The following APELA variants were observed in gnomAD, a reference collection of about 807,000 sequenced individuals.
APELA encodes the protein protein Elabela.
intron 1 of APELA, among the ~76,000 whole-genome samples, chr4:164,878,138 A>G (rs1195407082): frequency 6.8e-6 from 1 of 146,202 alleles, no homozygotes; most frequent in Non-Finnish European, 1.5e-5. Context: ...TAAGTTTGAA[A>G]AAAAAAAGAA....
intron 2 of APELA, among the ~76,000 whole-genome samples, chr4:164,885,356 C>T (rs1730749899): frequency 6.6e-6 from 1 of 151,782 alleles, no homozygotes; most frequent in Non-Finnish European, 1.5e-5. Flanking sequence ...GTCTCGAACT[C>T]CTGACTTCAA....
rs138371185 is a variant in APELA, at chr4:164,878,847, T to G, written c.77-73T>G. On this transcript the variant is annotated intron_variant, in intron 1 of 2. Coordinates refer to ENST00000507152, the MANE Select transcript of APELA (RefSeq NM_001297550.2). Reference sequence around the variant, plus strand: ...CAATCTAGTTTGGCTCCAAAATATGTTTGCATTGTCTAGATTAAACAACAA... The same window carrying G: ...CAATCTAGTTTGGCTCCAAAATATGGTTGCATTGTCTAGATTAAACAACAA... 3.1e-4 allele frequency: 122 copies of G among 398,454 alleles called. 1 individual carries two copies. In the East Asian group the frequency reaches 4.3e-3, roughly 14 times the overall value. 24.7% of individuals were successfully genotyped at this position (398,454 alleles called of 1,614,324 possible).
rs998387143 is a variant in APELA at position 164,877,322 on chromosome 4, C to T, written c.-10C>T. 9 of 398,806 alleles carry T rather than the reference C, an allele frequency of 2.3e-5. No individual in the cohort carries two copies. The highest frequency in any genetic ancestry group is 1.0e-4 in the African/African-American group (5 of 48,618). 24.7% of individuals were successfully genotyped at this position (398,806 alleles called of 1,614,324 possible). A position where few individuals can be genotyped will look rare whatever the true frequency, so the allele number is the denominator to read the frequency against. On this transcript the variant is annotated 5_prime_UTR_variant, in exon 1 of 3. Coordinates refer to ENST00000507152, the MANE Select transcript of APELA (RefSeq NM_001297550.2). Reference sequence around the variant, plus strand: ...TGAGAGTCATTGCTCTACTTTTGTGCGGTAGGAAAATGAGATTTCAGCAAT... The same window carrying T: ...TGAGAGTCATTGCTCTACTTTTGTGTGGTAGGAAAATGAGATTTCAGCAAT...
chr4:164,891,061 G>A (rs1560860712), intron 2 of APELA, among the ~76,000 whole-genome samples: 1 of 152,022 alleles, frequency 6.6e-6, no homozygotes, highest in African/African-American at 2.4e-5. Flanking sequence ...CCATTTTTCA[G>A]TTGGATTATT....
intron 2 of APELA, among the ~76,000 whole-genome samples, chr4:164,887,318 A>G (rs11728450): frequency 0.32 from 48,837 of 151,758 alleles, 8,031 homozygotes; most frequent in Admixed American, 0.36. Flanking sequence ...ATTACGGAAG[A>G]CATGGCCAAT....
chr4:164,880,614 A>C (rs1212173706), intron 2 of APELA, among the ~76,000 whole-genome samples: 4 of 152,198 alleles, frequency 2.6e-5, no homozygotes, highest in African/African-American at 7.2e-5. Flanking sequence ...TTTTTCCAGC[A>C]CTCCTTCATA....
rs758157733 is a variant in APELA, at chr4:164,883,484, C to CTTTT, written c.*1+4477_*1+4480dup. 1.6e-3 allele frequency among the ~76,000 whole-genome samples: 203 copies of CTTTT among 129,292 alleles called. 10 individuals carry two copies. Among genetic ancestry groups the CTTTT allele is most frequent in the African/African-American group, 2.6e-3 (81 of 30,954 alleles). 84.8% of individuals were successfully genotyped at this position (129,292 alleles called of 152,430 possible). Reference sequence around the variant, plus strand: ...CTTTTATGTTCCCTTTCTAGTCTTTCTTTTTCTTTTTTTTTTTTTTTGAGA... The same window carrying CTTTT: ...CTTTTATGTTCCCTTTCTAGTCTTTCTTTTTTTTTCTTTTTTTTTTTTTTTGAGA... On this transcript the variant is annotated intron_variant, in intron 2 of 2. Coordinates refer to ENST00000507152, the MANE Select transcript of APELA (RefSeq NM_001297550.2).
chr4:164,898,171 G>A (rs1731013067), downstream of APELA, among the ~76,000 whole-genome samples: 2 of 151,858 alleles, frequency 1.3e-5, no homozygotes, highest in Middle Eastern at 3.4e-3. Flanking sequence ...GATTACAGGC[G>A]TGAGCCACTG....
At chr4:164,884,069 G>C (rs4558825) in intron 2 of APELA, among the ~76,000 whole-genome samples, 80,816 of 144,420 alleles carry the variant, frequency 0.56, 22,279 homozygotes, top group Non-Finnish European at 0.6. Context: ...GGGAAAGAAG[G>C]AGAGAAAGAA....
chr4:164,895,135 T>G (rs901405780), intron 2 of APELA, among the ~76,000 whole-genome samples: 1 of 152,114 alleles, frequency 6.6e-6, no homozygotes, highest in South Asian at 2.1e-4. Context: ...GAGGCAGAGG[T>G]TGCAGTGAGC....
chr4:164,884,159 G>GA (rs1560858022), intron 2 of APELA, among the ~76,000 whole-genome samples: 70 of 141,578 alleles, frequency 4.9e-4, no homozygotes, highest in African/African-American at 1.6e-3. Context: ...AAGAAAGAAA[G>GA]GAGAAGAGAA....
chr4:164,877,372 T>C lies in APELA; in HGVS notation c.41T>C (p.Ile14Thr), dbSNP rs545289276. ...QQFLFAFFIFIMSLLLISGQR... is the reference protein window; with the variant it reads ...QQFLFAFFIFTMSLLLISGQR... ...TTCCTTTTTGCATTTTTTATTTTTA[T>C]TATGAGTCTTCTCCTTATCAGCGGA... Residue 14 changes from isoleucine (I) to threonine (T), a missense_variant, in exon 1 of 3, where the codon ATT becomes ACT. Transcript: ENST00000507152. The C allele has an allele frequency of 5.0e-6, 2 of 399,036 alleles. No homozygotes were observed. Among genetic ancestry groups the C allele is most frequent in the South Asian group, 2.5e-4 (2 of 7,858 alleles). 24.7% of individuals were successfully genotyped at this position (399,036 alleles called of 1,614,324 possible).
At chr4:164,889,331 TTA>T (rs1730837206) in intron 2 of APELA, among the ~76,000 whole-genome samples, 1 of 152,158 alleles carries the variant, frequency 6.6e-6, no homozygotes, top group African/African-American at 2.4e-5. Flanking sequence ...TATACGAAAA[TTA>T]TATGTGTATA....
At chr4:164,890,550 C>G (rs996344177) in intron 2 of APELA, among the ~76,000 whole-genome samples, 4 of 152,130 alleles carry the variant, frequency 2.6e-5, no homozygotes, top group African/African-American at 9.7e-5. Flanking sequence ...CAGGGCCCAT[C>G]CCTGTAGTAG....
Position 164,877,340 on chromosome 4 carries a change from T to C in APELA, c.9T>C (p.Phe3=), listed in dbSNP as rs749978434. The change falls in exon 1 of 3, where the codon TTT becomes TTC. Residue 3 remains phenylalanine (F), a synonymous_variant. Transcript: ENST00000507152. MR[F]QQFLFAFFIF... Reference sequence around the variant, plus strand: ...TTTTGTGCGGTAGGAAAATGAGATTTCAGCAATTCCTTTTTGCATTTTTTA... The same window carrying C: ...TTTTGTGCGGTAGGAAAATGAGATTCCAGCAATTCCTTTTTGCATTTTTTA... 1.3e-5 allele frequency: 5 copies of C among 398,946 alleles called. No homozygotes were observed. The highest frequency in any genetic ancestry group is 2.2e-5 in the Non-Finnish European group (5 of 226,050). 24.7% of individuals were successfully genotyped at this position (398,946 alleles called of 1,614,324 possible).
chr4:164,877,847 A>G (rs911436122), intron 1 of APELA, among the ~76,000 whole-genome samples: 1 of 152,226 alleles, frequency 6.6e-6, no homozygotes, highest in Non-Finnish European at 1.5e-5. Context: ...ATAATGCAAC[A>G]AAATGCAGAT....
At chr4:164,893,095 G>T (rs541639409) in intron 2 of APELA, among the ~76,000 whole-genome samples, 1 of 152,136 alleles carries the variant, frequency 6.6e-6, no homozygotes, top group East Asian at 1.9e-4. Context: ...CCATTCTCCA[G>T]TTCATTTGTT....
At chr4:164,877,754 T>C (rs968578689) in intron 1 of APELA, among the ~76,000 whole-genome samples, 30 of 152,198 alleles carry the variant, frequency 2.0e-4, no homozygotes, top group Admixed American at 1.2e-3. Flanking sequence ...TATAGATTTT[T>C]AGGTAAAATG....
At chr4:164,882,628 G>A (rs1730675061) in intron 2 of APELA, among the ~76,000 whole-genome samples, 1 of 151,444 alleles carries the variant, frequency 6.6e-6, no homozygotes. Flanking sequence ...AAAGTTTTAG[G>A]GTACATGTGC....
Sources: gnomAD v4.1 joint callset for allele counts (sites outside exome capture counted in the v4.1 genomes callset) on GRCh38, gnomAD v4.1.1 for gene constraint, MANE v1.5 for transcripts, NCBI Gene and HGNC (gene_info 2026-07-23, HGNC 2026-07-21) for gene names.